Variants in AHI1 observed in about 807,000 individuals in gnomAD.
The protein encoded by AHI1 is Abelson helper integration site 1, also known as jouberin.
A neutral mutation model predicts 149.3 loss-of-function variants in AHI1; 123 were observed. The ratio of observed to expected loss-of-function variants is 0.82; its 90% CI spans 0.71 to 0.96. AHI1 has a LOEUF of 0.96. AHI1 is among the 40% of genes least tolerant of loss of function. The pLI, the probability that AHI1 is intolerant of heterozygous loss-of-function variation, is 0.00. For synonymous variants in AHI1, 475 were observed against 459.8 expected, an observed-to-expected ratio of 1.03 and a Z score of -0.42; for missense variants, 1,439 against 1,422.7, an observed-to-expected ratio of 1.01 and a Z score of -0.18.
rs147058478 is a variant in AHI1 at position 135,396,798 on chromosome 6, T to C, written c.2989-1902A>G. On this transcript the variant is annotated intron_variant, in intron 22 of 28. Transcript: ENST00000265602. ...CTGGAGAAATGAAGATATATCTATATACACACACATCTTTGCACACACACA... is the reference window on the plus strand; with the variant it reads ...CTGGAGAAATGAAGATATATCTATACACACACACATCTTTGCACACACACA... 3.5e-3 allele frequency among the ~76,000 whole-genome samples: 537 copies of C among 151,734 alleles called. 5 individuals carry two copies. Among genetic ancestry groups the C allele is most frequent in the African/African-American group, 0.012 (502 of 41,502 alleles).
At chr6:135,458,742 C>T (rs984879445) in intron 8 of AHI1, among the ~76,000 whole-genome samples, 5 of 152,146 alleles carry the variant, frequency 3.3e-5, no homozygotes, top group Non-Finnish European at 7.3e-5. Flanking sequence ...GGATGTCTAA[C>T]ATATAGCCAG....
rs1025234067 is a variant in AHI1 at position 135,394,553 on chromosome 6, CTG to C, written c.3109+221_3109+222del. 19 of 515,046 alleles carry C rather than the reference CTG, an allele frequency of 3.7e-5. No individual in the cohort carries two copies. In the Admixed American group the frequency reaches 6.1e-4, roughly 16 times the overall value. The allele number at this position is 515,046 out of a possible 1,614,324, so 31.9% of individuals were successfully genotyped here. A position where few individuals can be genotyped will look rare whatever the true frequency, so the allele number is the denominator to read the frequency against. ...TGTTTTGCTAGTTTTAAATTATTAT[CTG>C]TTAATAGCACATAGGTTCAGTGTAT... On this transcript the variant is annotated intron_variant, in intron 23 of 28. Transcript: ENST00000265602.
intron 24 of AHI1, among the ~76,000 whole-genome samples, chr6:135,349,267 G>A (rs761666696): frequency 1.3e-5 from 2 of 152,140 alleles, no homozygotes; most frequent in Non-Finnish European, 2.9e-5. Context: ...GCAGGCATGC[G>A]CCACCACACC....
chr6:135,297,111 A>G (rs1451063580), intron 27 of AHI1, among the ~76,000 whole-genome samples: 1 of 152,216 alleles, frequency 6.6e-6, no homozygotes, highest in Non-Finnish European at 1.5e-5. Flanking sequence ...GAGGTCTAGG[A>G]CAAGACCAAA....
At chr6:135,305,266 T>C (rs145138015) in intron 26 of AHI1, 2 of 152,348 alleles carry the variant, frequency 1.3e-5, no homozygotes, top group African/African-American at 4.8e-5. Flanking sequence ...TTCCCGTGGA[T>C]TCAGATATCA....
intron 10 of AHI1, among the ~76,000 whole-genome samples, chr6:135,455,101 T>G (rs905235836): frequency 2.0e-5 from 3 of 151,768 alleles, no homozygotes; most frequent in African/African-American, 7.3e-5. Flanking sequence ...AGGTTCAAAC[T>G]ATCTGCAAAC....
At chr6:135,338,182 C>A (rs941088498) in intron 24 of AHI1, among the ~76,000 whole-genome samples, 2 of 151,668 alleles carry the variant, frequency 1.3e-5, no homozygotes, top group Admixed American at 1.3e-4. Flanking sequence ...CACCTGTAAT[C>A]CCAGCTACTC....
intron 20 of AHI1, among the ~76,000 whole-genome samples, chr6:135,421,141 GT>G (rs1352601248): frequency 2.0e-5 from 3 of 152,134 alleles, no homozygotes; most frequent in African/African-American, 7.2e-5. Context: ...TATGGGTACA[GT>G]TTGTGGTGCC....
intron 16 of AHI1, among the ~76,000 whole-genome samples, chr6:135,431,741 C>T (rs1279322166): frequency 2.0e-5 from 3 of 152,106 alleles, no homozygotes; most frequent in Non-Finnish European, 2.9e-5. Flanking sequence ...AACATCAATT[C>T]TTTGGAGTCA....
chr6:135,377,215 GGAA>G (rs2128463495), intron 23 of AHI1, among the ~76,000 whole-genome samples: 1 of 152,072 alleles, frequency 6.6e-6, no homozygotes, highest in Non-Finnish European at 1.5e-5. Flanking sequence ...GTTTTGGGAA[GGAA>G]GAAGAAAATG....
At position 135,490,455 on chromosome 6, in the gene AHI1, T is replaced by C. The variant is rs921459746; in HGVS notation, c.135+168A>G. On this transcript the variant is annotated intron_variant, in intron 5 of 28. Transcript: ENST00000265602. ...AAGAATGAAGTCAATATTCTCACAG[T>C]GATGTTGATTCTAATATAAACTTTA... 3 of 753,328 alleles carry C rather than the reference T, an allele frequency of 4.0e-6. No individual in the cohort carries two copies. In the African/African-American group the frequency reaches 5.3e-5, roughly 13 times the overall value. The allele number at this position is 753,328 out of a possible 1,614,324, so 46.7% of individuals were successfully genotyped here.
intron 22 of AHI1, among the ~76,000 whole-genome samples, chr6:135,403,039 G>A (rs1351295693): frequency 6.6e-6 from 1 of 152,130 alleles, no homozygotes; most frequent in Non-Finnish European, 1.5e-5. Context: ...AGTTATAAAT[G>A]ACTACATACC....
intron 23 of AHI1, among the ~76,000 whole-genome samples, chr6:135,365,142 T>C (rs1214212182): frequency 3.3e-5 from 5 of 152,180 alleles, no homozygotes; most frequent in Non-Finnish European, 7.3e-5. Flanking sequence ...AGTATGTGGG[T>C]TTATTTCTGG....
rs1035796663 is a variant in AHI1, at chr6:135,301,549, A to T, written c.3427-991T>A. 6 of 985,304 alleles carry T rather than the reference A, an allele frequency of 6.1e-6. No individual in the cohort carries two copies. The South Asian group carries it at 2.8e-4, about 46-fold the overall frequency. The allele number at this position is 985,304 out of a possible 1,614,324, so 61.0% of individuals were successfully genotyped here. ...CAAGATTTGGCACTATCTTTAAACA[A>T]GCATTACTTTTCTTACAGATTTCAA... On this transcript the variant is annotated intron_variant, in intron 26 of 28. Coordinates refer to ENST00000265602, the MANE Select transcript of AHI1 (RefSeq NM_001134831.2).
rs753655744 is a variant in AHI1 at position 135,447,007 on chromosome 6, C to A, written c.1779+1G>T. The A allele has an allele frequency of 1.9e-6, 3 of 1,607,258 alleles. No individual in the cohort carries two copies. The highest frequency in any genetic ancestry group is 2.2e-5 in the South Asian group (2 of 89,226). On this transcript the variant is annotated splice_donor_variant, in intron 13 of 28. Coordinates refer to ENST00000265602, the MANE Select transcript of AHI1 (RefSeq NM_001134831.2). LOFTEE classifies it high-confidence loss of function. ...AAATCCACTATTATCAAACACTTCACCTGCCCAGGGAGTCGTTTCCACTTT... is the reference window on the plus strand; with the variant it reads ...AAATCCACTATTATCAAACACTTCAACTGCCCAGGGAGTCGTTTCCACTTT...
intron 24 of AHI1, among the ~76,000 whole-genome samples, chr6:135,350,177 C>T (rs1433189904): frequency 6.6e-6 from 1 of 152,200 alleles, no homozygotes; most frequent in East Asian, 1.9e-4. Flanking sequence ...TTTTCCATCT[C>T]CTCTCATGAC....
At chr6:135,466,400 G>A in intron 6 of AHI1, 27 bp from the exon 7 acceptor site, 1 of 1,583,758 alleles carries the variant, frequency 6.3e-7, no homozygotes, top group Non-Finnish European at 8.6e-7. Context: ...TGATAACAAA[G>A]TTTCAGTTAC....
intron 22 of AHI1, among the ~76,000 whole-genome samples, chr6:135,398,090 G>GT (rs1178524581): frequency 4.9e-5 from 5 of 101,156 alleles, no homozygotes; most frequent in East Asian, 5.8e-4. Context: ...TGCAAATCAT[G>GT]TATCTGTTGT....
At chr6:135,346,770 A>G (rs1791295347) in intron 24 of AHI1, among the ~76,000 whole-genome samples, 1 of 152,104 alleles carries the variant, frequency 6.6e-6, no homozygotes, top group Non-Finnish European at 1.5e-5. Flanking sequence ...CTTTTCTTCA[A>G]GCAGCTGTCT....
Sources: gnomAD v4.1 joint callset for allele counts (sites outside exome capture counted in the v4.1 genomes callset) on GRCh38, gnomAD v4.1.1 for gene constraint, MANE v1.5 for transcripts, NCBI Gene and HGNC (gene_info 2026-07-23, HGNC 2026-07-21) for gene names.